CTNND2: variants seen among roughly 807,000 people sequenced by gnomAD.
CTNND2 encodes catenin delta 2, also known as catenin delta-2.
A neutral mutation model predicts 144.4 loss-of-function variants in CTNND2; 22 were observed. That is an observed-to-expected ratio of 0.15 (90% CI 0.11 to 0.22). The LOEUF (loss-of-function observed/expected upper bound fraction) is 0.22. CTNND2 is among the 10% of genes least tolerant of loss of function. The pLI is 1.00. For synonymous variants in CTNND2, 751 were observed against 695.6 expected (o/e 1.08, Z -1.25); for missense variants, 1,353 against 1,618.8 (o/e 0.84, Z 2.82).
At chr5:11,667,484 T>C (rs933234252) in intron 2 of CTNND2, among the ~76,000 whole-genome samples, 1 of 152,230 alleles carries the variant, frequency 6.6e-6, no homozygotes, top group African/African-American at 2.4e-5. Flanking sequence ...TGGTATCTCA[T>C]TGTGGTTTTG....
At chr5:11,002,232 TG>T (rs1424993047) in intron 18 of CTNND2, among the ~76,000 whole-genome samples, 3 of 152,210 alleles carry the variant, frequency 2.0e-5, no homozygotes, top group Non-Finnish European at 1.5e-5. Flanking sequence ...GGAATATTAC[TG>T]GGTAGGGAAC....
intron 16 of CTNND2, among the ~76,000 whole-genome samples, chr5:11,028,795 GC>G (rs1339608841): frequency 6.6e-6 from 1 of 152,148 alleles, no homozygotes; most frequent in Admixed American, 6.5e-5. Flanking sequence ...TGCAACCTCT[GC>G]CTCCTGGGTT....
chr5:11,568,412 C>T (rs1040646873), intron 2 of CTNND2, among the ~76,000 whole-genome samples: 3 of 152,162 alleles, frequency 2.0e-5, no homozygotes, highest in Admixed American at 2.0e-4. Flanking sequence ...GGGTCTATGG[C>T]TTACAGGGAA....
intron 9 of CTNND2, among the ~76,000 whole-genome samples, chr5:11,345,952 T>C (rs1317600742): frequency 1.3e-5 from 2 of 152,218 alleles, no homozygotes; most frequent in African/African-American, 4.8e-5. Flanking sequence ...AATTTTACTA[T>C]AGCTTGGAAG....
chr5:11,779,748 A>T lies in CTNND2; in HGVS notation c.38-47476T>A, dbSNP rs75341592. On this transcript the variant is annotated intron_variant, in intron 1 of 21. Transcript: ENST00000304623. ...CTTGTGATTTGTCAAACTTCCTTTT[A>T]TACTGGGTGGCTGGTTTCCTTAAAA... Among the ~76,000 whole-genome samples the T allele has an allele frequency of 3.8e-3, 576 of 152,294 alleles. 15 individuals carry two copies. In the South Asian group the frequency reaches 0.066, roughly 17 times the overall value.
chr5:11,816,546 T>G (rs917993079), intron 1 of CTNND2, among the ~76,000 whole-genome samples: 2 of 145,814 alleles, frequency 1.4e-5, no homozygotes, highest in Non-Finnish European at 3.0e-5. Context: ...GGTTTTTCCT[T>G]AAGGCCCTCT....
chr5:11,256,784 A>C (rs1346953826), intron 9 of CTNND2, among the ~76,000 whole-genome samples: 4 of 152,172 alleles, frequency 2.6e-5, no homozygotes, highest in African/African-American at 9.7e-5. Flanking sequence ...AGGTGGGATA[A>C]AAGAGTGGGC....
chr5:11,881,052 T>TACC (rs1380438530), intron 1 of CTNND2, among the ~76,000 whole-genome samples: 1 of 149,280 alleles, frequency 6.7e-6, no homozygotes, highest in Non-Finnish European at 1.5e-5. Context: ...CTACTACTAC[T>TACC]ACCACTACTA....
intron 2 of CTNND2, among the ~76,000 whole-genome samples, chr5:11,672,406 C>T (rs558677716): frequency 1.2e-4 from 19 of 152,310 alleles, no homozygotes; most frequent in Admixed American, 7.8e-4. Context: ...CCAGGTGATC[C>T]GTCCCAGGGA....
At chr5:10,987,259 G>C (rs994088193) in intron 20 of CTNND2, among the ~76,000 whole-genome samples, 3 of 152,196 alleles carry the variant, frequency 2.0e-5, no homozygotes, top group Non-Finnish European at 4.4e-5. Flanking sequence ...GAGCTTGGAG[G>C]GGGCTGTGAG....
chr5:11,084,165 C>G (rs931634774), intron 15 of CTNND2, among the ~76,000 whole-genome samples: 1 of 152,170 alleles, frequency 6.6e-6, no homozygotes, highest in African/African-American at 2.4e-5. Flanking sequence ...TTGACAGCTC[C>G]ACTTTCAGGG....
At chr5:11,464,359 G>A (rs970735461) in intron 3 of CTNND2, among the ~76,000 whole-genome samples, 34 of 152,276 alleles carry the variant, frequency 2.2e-4, no homozygotes, top group African/African-American at 8.2e-4. Flanking sequence ...CTAAGGCATG[G>A]TGATCACTGG....
intron 1 of CTNND2, among the ~76,000 whole-genome samples, chr5:11,768,382 C>T (rs1351803045): frequency 6.6e-6 from 1 of 152,170 alleles, no homozygotes; most frequent in East Asian, 1.9e-4. Flanking sequence ...CTCCACCTCC[C>T]AGGCTGAAGC....
chr5:11,079,155 A>C (rs1328982390), intron 16 of CTNND2, among the ~76,000 whole-genome samples: 1 of 152,218 alleles, frequency 6.6e-6, no homozygotes, highest in Admixed American at 6.5e-5. Context: ...AACTATAAAA[A>C]CATTTTGTCT....
intron 2 of CTNND2, among the ~76,000 whole-genome samples, chr5:11,586,609 C>A (rs1191310751): frequency 6.6e-6 from 1 of 152,182 alleles, no homozygotes; most frequent in African/African-American, 2.4e-5. Context: ...TGGCCATTAT[C>A]ATCACATAAG....
At chr5:11,727,629 C>T (rs1787097711) in intron 2 of CTNND2, among the ~76,000 whole-genome samples, 1 of 152,142 alleles carries the variant, frequency 6.6e-6, no homozygotes, top group East Asian at 1.9e-4. Context: ...ACTGGTAGCA[C>T]TATGCTATGG....
At chr5:11,650,743 C>G (rs895551382) in intron 2 of CTNND2, among the ~76,000 whole-genome samples, 13 of 152,166 alleles carry the variant, frequency 8.5e-5, no homozygotes, top group African/African-American at 2.9e-4. Flanking sequence ...CCCTAAAGAG[C>G]TGCAGAACTT....
At chr5:11,396,986 T>C (rs1449786840) in intron 6 of CTNND2, 45 bp downstream of exon 6, 8 of 1,553,406 alleles carry the variant, frequency 5.1e-6, no homozygotes, top group Non-Finnish European at 7.0e-6. Context: ...ATTCCCCACC[T>C]GTCCCCTTGG....
chr5:11,486,309 A>G (rs920343734), intron 3 of CTNND2, among the ~76,000 whole-genome samples: 7 of 152,174 alleles, frequency 4.6e-5, no homozygotes, highest in African/African-American at 1.7e-4. Context: ...AGATCACACT[A>G]GGTGATAATA....
Sources: allele counts gnomAD v4.1 joint callset (sites outside exome capture counted in the v4.1 genomes callset), GRCh38; gene constraint gnomAD v4.1.1; transcripts MANE v1.5; gene names NCBI Gene and HGNC (gene_info 2026-07-23, HGNC 2026-07-21).